The following NFYA variants were observed in gnomAD, a reference collection of about 807,000 sequenced individuals.
The protein encoded by NFYA is CAAT-box DNA binding protein subunit A.
A neutral mutation model predicts 52.8 loss-of-function variants in NFYA; 28 were observed. The ratio of observed to expected loss-of-function variants is 0.53; its 90% CI spans 0.39 to 0.73. NFYA has a LOEUF of 0.73. Ranked by LOEUF, NFYA falls within the 30% of genes least tolerant of loss-of-function variation. The pLI is 0.00. For missense variants in NFYA, 234 were observed against 427.0 expected, an observed-to-expected ratio of 0.55 and a Z score of 3.98; for synonymous variants, 150 against 150.7, an observed-to-expected ratio of 1.00 and a Z score of 0.03.
chr6:41,093,793 A>G (rs181765041), intron 8 of NFYA, among the ~76,000 whole-genome samples: 2 of 152,308 alleles, frequency 1.3e-5, no homozygotes, highest in East Asian at 3.9e-4. Context: ...TTTCAAGGAA[A>G]CTTTGAAGAA....
rs1001551680 is a variant in NFYA at position 41,072,989 on chromosome 6, T to TGGCGGCGGCAGC, written c.-150_-139dup. On this transcript the variant is annotated 5_prime_UTR_variant, in exon 1 of 10. Coordinates refer to ENST00000341376, the MANE Select transcript of NFYA (RefSeq NM_002505.5). The stretch of plus-strand genomic sequence containing the variant: ...TCGCCATTTTGCTAGGCAGCGGCAG[T>TGGCGGCGGCAGC]GGCGGCGGCAGCGGCGGCTGGAGCC... The TGGCGGCGGCAGC allele has an allele frequency of 2.6e-5, 4 of 155,002 alleles. No homozygotes were observed. Among genetic ancestry groups the TGGCGGCGGCAGC allele is most frequent in the Admixed American group, 6.5e-5 (1 of 15,324 alleles). 9.6% of individuals were successfully genotyped at this position (155,002 alleles called of 1,614,324 possible). A position where few individuals can be genotyped will look rare whatever the true frequency, so the allele number is the denominator to read the frequency against.
Position 41,099,932 on chromosome 6 carries a change from T to C in NFYA, c.*2522T>C, listed in dbSNP as rs1764454330. On this transcript the variant is annotated 3_prime_UTR_variant, in exon 10 of 10. Transcript: ENST00000341376. ...ACAGGTGATCGATCATTAATGTCAT[T>C]GCAATTGTTATTTTTTAAAATAAAT... The C allele has an allele frequency of 1.3e-5, 2 of 152,124 alleles. No homozygotes were observed. Among genetic ancestry groups the C allele is most frequent in the South Asian group, 4.1e-4 (2 of 4,828 alleles). The allele number at this position is 152,124 out of a possible 1,614,324, so 9.4% of individuals were successfully genotyped here. A position where few individuals can be genotyped will look rare whatever the true frequency, so the allele number is the denominator to read the frequency against.
chr6:41,081,382 T>C (rs1046662545), intron 3 of NFYA, among the ~76,000 whole-genome samples: 2 of 151,556 alleles, frequency 1.3e-5, no homozygotes, highest in African/African-American at 4.9e-5. Context: ...CCCAGCTACT[T>C]GGGAGGCTGG....
intron 1 of NFYA, among the ~76,000 whole-genome samples, chr6:41,073,566 C>T (rs1278439730): frequency 6.6e-6 from 1 of 151,910 alleles, no homozygotes; most frequent in Non-Finnish European, 1.5e-5. Context: ...GCCCGCGCCC[C>T]CCGCTCCCCG....
chr6:41,075,711 A>G (rs1763714214), intron 1 of NFYA: 1 of 141,250 alleles, frequency 7.1e-6, no homozygotes, highest in Non-Finnish European at 1.5e-5. Context: ...GATAGCAAAG[A>G]AAAAAAAAGT....
chr6:41,085,660 A>G (rs1764025157), intron 4 of NFYA, among the ~76,000 whole-genome samples: 1 of 152,222 alleles, frequency 6.6e-6, no homozygotes, highest in South Asian at 2.1e-4. Flanking sequence ...CCCACTGCTC[A>G]TAAATCAAAC....
intron 1 of NFYA, 58 bp from the exon 2 acceptor site, chr6:41,078,971 T>C: frequency 1.4e-6 from 1 of 739,598 alleles, no homozygotes; most frequent in Non-Finnish European, 2.3e-6. Context: ...AGGTTAATTG[T>C]CTGGTAAGGC....
In NFYA at chr6:41,098,232, A is replaced by G. The variant is rs1262345311; in HGVS notation, c.*822A>G. On this transcript the variant is annotated 3_prime_UTR_variant, in exon 10 of 10. Transcript: ENST00000341376. Reference sequence around the variant, plus strand: ...CCTTTCCTAAGTAGAGAACAAGACTATTCAACAACTTCTTTGCTGAAGCAC... The same window carrying G: ...CCTTTCCTAAGTAGAGAACAAGACTGTTCAACAACTTCTTTGCTGAAGCAC... 2.0e-5 allele frequency: 3 copies of G among 152,660 alleles called. No homozygotes were observed. Among genetic ancestry groups the G allele is most frequent in the Non-Finnish European group, 4.4e-5 (3 of 68,052 alleles). The allele number at this position is 152,660 out of a possible 1,614,324, so 9.5% of individuals were successfully genotyped here. A position where few individuals can be genotyped will look rare whatever the true frequency, so the allele number is the denominator to read the frequency against.
intron 2 of NFYA, among the ~76,000 whole-genome samples, chr6:41,080,275 C>A (rs1212225057): frequency 6.6e-6 from 1 of 151,966 alleles, no homozygotes; most frequent in Non-Finnish European, 1.5e-5. Flanking sequence ...AACAGCAAGA[C>A]CCCATCTCAA....
chr6:41,085,827 A>T (rs749965359), intron 4 of NFYA, among the ~76,000 whole-genome samples: 3 of 151,858 alleles, frequency 2.0e-5, no homozygotes, highest in Non-Finnish European at 4.4e-5. Flanking sequence ...AAATATAGTT[A>T]AGGATTTTGG....
Position 41,092,942 on chromosome 6 carries a change from A to T in NFYA, c.745A>T (p.Ile249Phe). The T allele has an allele frequency of 6.2e-7, 1 of 1,613,766 alleles. No individual in the cohort carries two copies. Among genetic ancestry groups the T allele is most frequent in the South Asian group, 1.1e-5 (1 of 91,012 alleles). The change falls in exon 8 of 10, where the codon ATC (isoleucine) becomes TTC (phenylalanine). Residue 249 changes from isoleucine to phenylalanine, a missense_variant. Physicochemically the swap from Ile to Phe is conservative, Grantham distance 21. This residue lies in a region of NFYA where 81 missense variants were observed against 210.5 expected (regional missense o/e 0.38). Coordinates refer to ENST00000341376, the MANE Select transcript of NFYA (RefSeq NM_002505.5). The part of the protein sequence containing the change: ...MVPGAGSVPA[I>F]QRIPLPGAEM... ...TCCTGGGGCTGGCTCTGTGCCTGCT[A>T]TCCAAAGAATCCCTCTACCTGGAGC...
chr6:41,074,143 T>C (rs903076699), intron 1 of NFYA, among the ~76,000 whole-genome samples: 1 of 152,258 alleles, frequency 6.6e-6, no homozygotes. Flanking sequence ...CGCCTTTCTA[T>C]GTTACTTTGT....
rs1764134864 is a variant in NFYA at position 41,089,287 on chromosome 6, A to G, written c.310-292A>G. On this transcript the variant is annotated intron_variant, in intron 4 of 9. Transcript: ENST00000341376. ...GCGTGAGCCACCACACCCAGCCCAG[A>G]GTGTATTTTAAATATGCATGCTTTT... Among the ~76,000 whole-genome samples, 2 of 152,314 alleles carry G rather than the reference A, an allele frequency of 1.3e-5. 1 individual carries two copies. The highest frequency in any genetic ancestry group is 4.1e-4 in the South Asian group (2 of 4,830).
At chr6:41,082,698 G>T (rs922255095) in intron 3 of NFYA, among the ~76,000 whole-genome samples, 4 of 152,126 alleles carry the variant, frequency 2.6e-5, no homozygotes, top group Non-Finnish European at 5.9e-5. Flanking sequence ...TAGTTATTTT[G>T]GTTATTCTTG....
In NFYA at chr6:41,091,628, G is replaced by A. The variant is rs1232337549; in HGVS notation, c.648G>A (p.Gly216=). 1 of 1,614,222 alleles carries A rather than the reference G, an allele frequency of 6.2e-7. No individual in the cohort carries two copies. The highest frequency in any genetic ancestry group is 8.5e-7 in the Non-Finnish European group (1 of 1,180,034). Residue 216 remains glycine, a synonymous_variant, in exon 7 of 10, where the codon GGG becomes GGA. Coordinates refer to ENST00000341376, the MANE Select transcript of NFYA (RefSeq NM_002505.5). The part of the protein sequence containing the change: ...TGANTNTTSS[G]QGTVTVTLPV... ...CCAATACCAACACAACCAGCAGTGG[G>A]CAAGGGACTGTCACTGTGACACTAC...
rs1000078279 is a variant in NFYA, at chr6:41,102,389, C to G, written c.*4979C>G. Among the ~76,000 whole-genome samples, 6 of 151,894 alleles carry G rather than the reference C, an allele frequency of 4.0e-5. No homozygotes were observed. Among genetic ancestry groups the G allele is most frequent in the African/African-American group, 1.2e-4 (5 of 41,266 alleles). ...GTATTTTATTTCAAAATAAAGTATT[C>G]TCTTCTAACAATAACGTATCTCAAG... On this transcript the variant is annotated 3_prime_UTR_variant, in exon 10 of 10. Coordinates refer to ENST00000341376, the MANE Select transcript of NFYA (RefSeq NM_002505.5).
intron 1 of NFYA, among the ~76,000 whole-genome samples, chr6:41,078,345 G>A (rs1763797962): frequency 6.6e-6 from 1 of 152,170 alleles, no homozygotes; most frequent in Admixed American, 6.5e-5. Context: ...GCTCAGTTAG[G>A]TCACGTCATT....
intron 9 of NFYA, among the ~76,000 whole-genome samples, chr6:41,095,277 T>C (rs2113823331): frequency 6.6e-6 from 1 of 152,312 alleles, no homozygotes. Flanking sequence ...CATTTCTACT[T>C]CTTGGTCTCT....
At chr6:41,091,384 A>G (rs1764193877) in intron 6 of NFYA, 144 bp from the exon 7 acceptor site, 1 of 695,554 alleles carries the variant, frequency 1.4e-6, no homozygotes, top group Admixed American at 2.9e-5. Flanking sequence ...ACAGTGGGAG[A>G]GTACTTTTTC....
Sources: allele counts gnomAD v4.1 joint callset (sites outside exome capture counted in the v4.1 genomes callset), GRCh38; gene constraint gnomAD v4.1.1; regional missense constraint gnomAD v4.1.1; transcripts MANE v1.5; gene names NCBI Gene and HGNC (gene_info 2026-07-23, HGNC 2026-07-21).